Variants in LIFR observed in about 807,000 individuals in gnomAD.
LIFR encodes the protein leukemia inhibitory factor receptor.
Under a neutral mutation model 122.2 loss-of-function variants are expected in LIFR, and 84 were observed. The ratio of observed to expected loss-of-function variants is 0.69; its 90% CI spans 0.58 to 0.82. LIFR has a LOEUF of 0.82. Ranked by LOEUF, LIFR falls within the 40% of genes least tolerant of loss-of-function variation. The probability of loss-of-function intolerance (pLI) is 0.00; values close to 1 mark genes in which losing one functional copy is unlikely to be tolerated. For synonymous variants in LIFR, 422 were observed against 434.7 expected (o/e 0.97, Z 0.36); for missense variants, 1,294 against 1,311.6 (o/e 0.99, Z 0.21).
At position 38,511,918 on chromosome 5, in the gene LIFR, C is replaced by G; in HGVS notation, c.608G>C (p.Trp203Ser). The G allele has an allele frequency of 6.2e-7, 1 of 1,614,080 alleles. No homozygotes were observed. Among genetic ancestry groups the G allele is most frequent in the Non-Finnish European group, 8.5e-7 (1 of 1,179,988 alleles). Residue 203 changes from tryptophan (W) to serine (S), a missense_variant, in exon 6 of 20, where the codon TGG becomes TCG. Physicochemically the swap from Trp to Ser is radical, Grantham distance 177. Coordinates refer to ENST00000453190, the MANE Select transcript of LIFR (RefSeq NM_001127671.2). ...TLNGKDTLHHWSWASDMPLEC... is the reference protein window; with the variant it reads ...TLNGKDTLHHSSWASDMPLEC... ...CAAGGGCATATCTGAGGCCCAACTCCAGTGATGAAGTGTATCTTTGCCATT... is the reference window on the plus strand; with the variant it reads ...CAAGGGCATATCTGAGGCCCAACTCGAGTGATGAAGTGTATCTTTGCCATT...
At position 38,485,974 on chromosome 5, in the gene LIFR, G is replaced by A; in HGVS notation, c.2342C>T (p.Ser781Phe). Residue 781 changes from serine (S) to phenylalanine (F), a missense_variant, in exon 17 of 20, where the codon TCT becomes TTT. Coordinates refer to ENST00000453190, the MANE Select transcript of LIFR (RefSeq NM_001127671.2). ...SKMRVLESGR[S>F]DIKVKNITDI... ...AGTAATATTCTTAACTTTTATGTCA[G>A]AACGACCTATTTTTAAAATGAAGTA... The A allele has an allele frequency of 1.9e-6, 3 of 1,611,886 alleles. No individual in the cohort carries two copies. Among genetic ancestry groups the A allele is most frequent in the Non-Finnish European group, 2.5e-6 (3 of 1,178,000 alleles).
intron 1 of LIFR, among the ~76,000 whole-genome samples, chr5:38,551,696 C>T (rs1022107095): frequency 1.3e-5 from 2 of 152,186 alleles, no homozygotes; most frequent in African/African-American, 4.8e-5. Flanking sequence ...TCTGTATCTG[C>T]CTTACAAACC....
intron 1 of LIFR, among the ~76,000 whole-genome samples, chr5:38,582,710 A>C (rs1749625372): frequency 1.3e-5 from 2 of 152,122 alleles, no homozygotes; most frequent in South Asian, 4.2e-4. Context: ...TTTCAGTGTT[A>C]CCTCCAAAGT....
intron 1 of LIFR, among the ~76,000 whole-genome samples, chr5:38,583,997 A>G (rs906382690): frequency 1.3e-5 from 2 of 151,476 alleles, no homozygotes; most frequent in African/African-American, 4.9e-5. Flanking sequence ...GCCATGTGGA[A>G]CTGTGAGTCC....
At chr5:38,540,188 T>G (rs916565348) in intron 1 of LIFR, among the ~76,000 whole-genome samples, 1 of 152,070 alleles carries the variant, frequency 6.6e-6, no homozygotes, top group African/African-American at 2.4e-5. Context: ...GTCTTAGCTC[T>G]CAAATTACAC....
At chr5:38,592,057 T>C (rs1749937407) in intron 1 of LIFR, among the ~76,000 whole-genome samples, 1 of 152,194 alleles carries the variant, frequency 6.6e-6, no homozygotes, top group African/African-American at 2.4e-5. Flanking sequence ...CACTCCATGC[T>C]GACTCTTGGA....
At chr5:38,543,492 A>G (rs913153903) in intron 1 of LIFR, among the ~76,000 whole-genome samples, 1 of 152,220 alleles carries the variant, frequency 6.6e-6, no homozygotes, top group African/African-American at 2.4e-5. Context: ...AGTAAGAATG[A>G]TGAAGATAAA....
chr5:38,548,739 A>AATAAAACGT (rs1748030362), intron 1 of LIFR, among the ~76,000 whole-genome samples: 1 of 152,352 alleles, frequency 6.6e-6, no homozygotes, highest in Non-Finnish European at 1.5e-5. Context: ...TTCAATTCAA[A>AATAAAACGT]ATAAAATGTA....
chr5:38,503,535 GTATAA>G (rs1745296132), intron 10 of LIFR, among the ~76,000 whole-genome samples: 1 of 151,792 alleles, frequency 6.6e-6, no homozygotes, highest in Non-Finnish European at 1.5e-5. Context: ...TTACAAGATA[GTATAA>G]TATAAAAGTC....
At chr5:38,544,774 A>G (rs1486316140) in intron 1 of LIFR, among the ~76,000 whole-genome samples, 1 of 152,234 alleles carries the variant, frequency 6.6e-6, no homozygotes, top group African/African-American at 2.4e-5. Flanking sequence ...CTGAGAGTTC[A>G]GCATAGGTGG....
chr5:38,530,652 G>A lies in LIFR; in HGVS notation c.-5C>T. The A allele has an allele frequency of 6.2e-7, 1 of 1,613,630 alleles. No individual in the cohort carries two copies. The highest frequency in any genetic ancestry group is 8.5e-7 in the Non-Finnish European group (1 of 1,179,612). On this transcript the variant is annotated 5_prime_UTR_variant, in exon 2 of 20. Transcript: ENST00000453190. ...ACATACGTAAATATCCATCATCTGT[G>A]CAATGCAGTCAGTCCTAGGTTAGGA...
chr5:38,483,025 G>A (rs1397990255), intron 18 of LIFR, among the ~76,000 whole-genome samples: 3 of 152,150 alleles, frequency 2.0e-5, no homozygotes, highest in Admixed American at 6.5e-5. Context: ...TTAAAAAGGT[G>A]GTCATAAAGG....
At chr5:38,495,298 T>C (rs1185025659) in intron 13 of LIFR, among the ~76,000 whole-genome samples, 1 of 152,204 alleles carries the variant, frequency 6.6e-6, no homozygotes, top group Non-Finnish European at 1.5e-5. Context: ...ATGAAACATA[T>C]AATCTAAATC....
intron 1 of LIFR, among the ~76,000 whole-genome samples, chr5:38,533,506 T>C (rs943055112): frequency 1.3e-5 from 2 of 152,208 alleles, no homozygotes; most frequent in African/African-American, 2.4e-5. Flanking sequence ...CACATGTACT[T>C]TGACTTGTAT....
At position 38,477,615 on chromosome 5, in the gene LIFR, G is replaced by A. The variant is rs1185738579; in HGVS notation, c.*3980C>T. ...AAGATATCTAGTGATATACAGGCAT[G>A]AGTCCTTCCTCAGTTTTCACTCAAA... is the stretch of plus-strand genomic sequence containing the variant. On this transcript the variant is annotated 3_prime_UTR_variant, in exon 20 of 20. Coordinates refer to ENST00000453190, the MANE Select transcript of LIFR (RefSeq NM_001127671.2). 9.4e-6 allele frequency: 2 copies of A among 212,812 alleles called. No individual in the cohort carries two copies. Among genetic ancestry groups the A allele is most frequent in the Non-Finnish European group, 1.9e-5 (2 of 105,154 alleles). The allele number at this position is 212,812 out of a possible 1,614,324, so 13.2% of individuals were successfully genotyped here. A position where few individuals can be genotyped will look rare whatever the true frequency, so the allele number is the denominator to read the frequency against.
intron 1 of LIFR, among the ~76,000 whole-genome samples, chr5:38,532,653 T>G (rs1169965893): frequency 6.6e-6 from 1 of 152,164 alleles, no homozygotes; most frequent in East Asian, 1.9e-4. Flanking sequence ...TGTGATACAT[T>G]TACACAGAGA....
Position 38,480,623 on chromosome 5 carries a change from G to A in LIFR, c.*972C>T, listed in dbSNP as rs1368133920. ...CAAGCTCAACGGCATGGTCTCCTCA[G>A]GAGGAACGAAATCCAATCAGAACTA... On this transcript the variant is annotated 3_prime_UTR_variant, in exon 20 of 20. Transcript: ENST00000453190. 1.8e-5 allele frequency: 4 copies of A among 219,664 alleles called. No homozygotes were observed. Among genetic ancestry groups the A allele is most frequent in the African/African-American group, 9.0e-5 (4 of 44,618 alleles). 13.6% of individuals were successfully genotyped at this position (219,664 alleles called of 1,614,324 possible). A position where few individuals can be genotyped will look rare whatever the true frequency, so the allele number is the denominator to read the frequency against.
chr5:38,510,317 C>T (rs1259003609), intron 7 of LIFR, 147 bp downstream of exon 7: 1 of 719,680 alleles, frequency 1.4e-6, no homozygotes, highest in Non-Finnish European at 2.3e-6. Flanking sequence ...TATTCTAGTG[C>T]CTTTGTATAG....
chr5:38,528,873 CACACAGACACACAT>C lies in LIFR; in HGVS notation c.143-47_143-34del, dbSNP rs745577223. 87 of 494,306 alleles carry C rather than the reference CACACAGACACACAT, an allele frequency of 1.8e-4. 1 individual carries two copies. The East Asian group carries it at 5.0e-3, about 28-fold the overall frequency. 30.6% of individuals were successfully genotyped at this position (494,306 alleles called of 1,614,324 possible). A position where few individuals can be genotyped will look rare whatever the true frequency, so the allele number is the denominator to read the frequency against. ...AGACACACACACACACACACACACA[CACACAGACACACAT>C]AAACACAGAATATGCTGAATAAGTC... On this transcript the variant is annotated intron_variant, in intron 2 of 19. Coordinates refer to ENST00000453190, the MANE Select transcript of LIFR (RefSeq NM_001127671.2).
Sources: gnomAD v4.1 joint callset for allele counts (sites outside exome capture counted in the v4.1 genomes callset) on GRCh38, gnomAD v4.1.1 for gene constraint, MANE v1.5 for transcripts, NCBI Gene and HGNC (gene_info 2026-07-23, HGNC 2026-07-21) for gene names.